Variants in SP100 observed in about 807,000 individuals in gnomAD.
SP100 encodes nuclear autoantigen Sp-100.
SP100 carries 84 observed loss-of-function variants against 130.0 expected under a neutral mutation model. The observed-to-expected ratio is 0.65, with a 90% confidence interval of 0.54 to 0.77. SP100 has a LOEUF of 0.77. SP100 is among the 30% of genes least tolerant of loss of function. The pLI, the probability that SP100 is intolerant of heterozygous loss-of-function variation, is 0.00. For missense variants in SP100, 978 were observed against 1,052.2 expected (o/e 0.93, Z 0.97); for synonymous variants, 331 against 351.7 (o/e 0.94, Z 0.66).
chr2:230,445,395 G>A (rs923143375), intron 4 of SP100, among the ~76,000 whole-genome samples: 2 of 152,144 alleles, frequency 1.3e-5, no homozygotes, highest in African/African-American at 4.8e-5. Flanking sequence ...AATTAGATTT[G>A]GCTAAATCTG....
intron 2 of SP100, among the ~76,000 whole-genome samples, chr2:230,430,390 T>A (rs749397706): frequency 6.6e-6 from 1 of 152,112 alleles, no homozygotes; most frequent in East Asian, 1.9e-4. Context: ...TTAGGCAGGG[T>A]TGAAGACTGT....
intron 24 of SP100, 158 bp from the exon 25 acceptor site, chr2:230,539,109 T>C: frequency 2.0e-6 from 1 of 498,040 alleles, no homozygotes; most frequent in Non-Finnish European, 3.7e-6. Context: ...TACTGAACTT[T>C]GCCGCAGACC....
intron 24 of SP100, among the ~76,000 whole-genome samples, chr2:230,537,359 C>T (rs1476366250): frequency 6.6e-6 from 1 of 152,120 alleles, no homozygotes; most frequent in African/African-American, 2.4e-5. Flanking sequence ...AATGCTCTTC[C>T]CTAGCAAGAT....
chr2:230,529,349 C>T (rs1559536693), intron 24 of SP100, among the ~76,000 whole-genome samples: 1 of 152,160 alleles, frequency 6.6e-6, no homozygotes, highest in Non-Finnish European at 1.5e-5. Context: ...TCAATAGATG[C>T]AGAAAAGGCC....
rs749481799 is a variant in SP100, at chr2:230,506,292, T to G, written c.1871-11T>G. On this transcript the variant is annotated splice_polypyrimidine_tract_variant and intron_variant, in intron 21 of 28. Coordinates refer to ENST00000340126, the MANE Select transcript of SP100 (RefSeq NM_001080391.2). Reference sequence around the variant, plus strand: ...CACAGTTGGGGAGCTCACTTTGCCTTGGTCTTACAGGAACCTCAAAGAAGT... The same window carrying G: ...CACAGTTGGGGAGCTCACTTTGCCTGGGTCTTACAGGAACCTCAAAGAAGT... 6.2e-7 allele frequency: 1 copy of G among 1,613,322 alleles called. No homozygotes were observed. Among genetic ancestry groups the G allele is most frequent in the Non-Finnish European group, 8.5e-7 (1 of 1,179,442 alleles).
intron 24 of SP100, among the ~76,000 whole-genome samples, chr2:230,517,255 G>A (rs1368922137): frequency 2.6e-5 from 4 of 152,100 alleles, no homozygotes; most frequent in Admixed American, 1.3e-4. Flanking sequence ...GGGGAAACCT[G>A]CCAAAGATGT....
At chr2:230,520,472 A>C (rs751110697) in intron 24 of SP100, 11 of 152,224 alleles carry the variant, frequency 7.2e-5, no homozygotes, top group Non-Finnish European at 1.5e-4. Flanking sequence ...ACCAGCTTCA[A>C]AAAACCAGAA....
intron 8 of SP100, among the ~76,000 whole-genome samples, chr2:230,450,971 CA>C (rs1280209856): frequency 2.0e-5 from 3 of 152,182 alleles, no homozygotes; most frequent in Non-Finnish European, 4.4e-5. Flanking sequence ...CTTCCATATA[CA>C]GATGGTCCCT....
At chr2:230,449,391 G>A (rs780520581) in intron 6 of SP100, 170 bp from the exon 7 acceptor site, 4 of 835,474 alleles carry the variant, frequency 4.8e-6, no homozygotes, top group South Asian at 1.4e-5. Flanking sequence ...GAGCCTGGTC[G>A]TTTTACCCAT....
rs534647028 is a variant in SP100, at chr2:230,419,398, GAGTAGCTGT to G, written c.107+1734_107+1742del. 1.1e-3 allele frequency among the ~76,000 whole-genome samples: 171 copies of G among 152,292 alleles called. 1 individual carries two copies. The highest frequency in any genetic ancestry group is 3.9e-3 in the African/African-American group (162 of 41,568). On this transcript the variant is annotated intron_variant, in intron 2 of 28. Transcript: ENST00000340126. ...AGACACTACCAGCCCATGAGTCGCT[GAGTAGCTGT>G]CCTGGTGATCAGATCGACTGTCCTG...
intron 24 of SP100, among the ~76,000 whole-genome samples, chr2:230,520,365 G>T (rs1000366942): frequency 3.3e-5 from 5 of 152,176 alleles, no homozygotes; most frequent in African/African-American, 1.2e-4. Flanking sequence ...CTAAGGAAAG[G>T]TTGTCCCATC....
chr2:230,477,246 T>C (rs2065602422), intron 17 of SP100, among the ~76,000 whole-genome samples: 1 of 152,156 alleles, frequency 6.6e-6, no homozygotes, highest in Non-Finnish European at 1.5e-5. Flanking sequence ...TATTAAATCT[T>C]GGTCATATAC....
intron 20 of SP100, among the ~76,000 whole-genome samples, chr2:230,503,732 G>A (rs1412484463): frequency 6.6e-6 from 1 of 152,194 alleles, no homozygotes; most frequent in Non-Finnish European, 1.5e-5. Flanking sequence ...TTGGCAAAGA[G>A]GGAGACAGAT....
chr2:230,485,264 C>G (rs2066019454), intron 17 of SP100, among the ~76,000 whole-genome samples: 1 of 151,990 alleles, frequency 6.6e-6, no homozygotes, highest in African/African-American at 2.4e-5. Flanking sequence ...AGACTTTTCC[C>G]CTCCCTTTGG....
chr2:230,498,493 A>G lies in SP100; in HGVS notation c.1678A>G (p.Thr560Ala). 1.3e-6 allele frequency: 2 copies of G among 1,516,466 alleles called. No homozygotes were observed. The highest frequency in any genetic ancestry group is 1.8e-6 in the Non-Finnish European group (2 of 1,141,066). 93.9% of individuals were successfully genotyped at this position (1,516,466 alleles called of 1,614,324 possible). ...RKKDRPRKHLTLNNKVQKKRW... is the reference protein window; with the variant it reads ...RKKDRPRKHLALNNKVQKKRW... ...GAAAGACAGACCTAGAAAACATTTA[A>G]CTCTGAATAACAAAGTCCAAAAGAA... Residue 560 changes from threonine (T) to alanine (A), a missense_variant, in exon 19 of 29, where the codon ACT becomes GCT. Thr to Ala is a moderately conservative substitution (Grantham distance 58). Transcript: ENST00000340126.
chr2:230,483,846 A>G (rs1455459181), intron 17 of SP100, among the ~76,000 whole-genome samples: 2 of 152,238 alleles, frequency 1.3e-5, no homozygotes, highest in African/African-American at 4.8e-5. Context: ...TCTAGTAGAA[A>G]TACAGAATAA....
chr2:230,504,323 T>G, intron 21 of SP100, 33 bp downstream of exon 21: 3 of 1,259,920 alleles, frequency 2.4e-6, no homozygotes, highest in Non-Finnish European at 2.3e-6. Context: ...GATTTTCAGC[T>G]GGAAAATATC....
At position 230,450,227 on chromosome 2, in the gene SP100, G is replaced by A. The variant is rs768618914; in HGVS notation, c.792G>A (p.Met264Ile). 32 of 1,613,506 alleles carry A rather than the reference G, an allele frequency of 2.0e-5. No homozygotes were observed. The highest frequency in any genetic ancestry group is 2.7e-5 in the African/African-American group (2 of 74,896). The stretch of plus-strand genomic sequence containing the variant: ...ATAATGGGGATGCTGGAAGGGAGAT[G>A]CCCTGCCCGTTGCCCTGTGATGAAG... ...QVNNGDAGRE[M>I]PCPLPCDEES... Residue 264 changes from methionine (M) to isoleucine (I), a missense_variant, in exon 8 of 29, where the codon ATG becomes ATA. Transcript: ENST00000340126.
At chr2:230,532,759 G>A (rs1170957740) in intron 24 of SP100, among the ~76,000 whole-genome samples, 6 of 152,074 alleles carry the variant, frequency 3.9e-5, no homozygotes, top group Non-Finnish European at 8.8e-5. Flanking sequence ...ATGTGTGCTA[G>A]TGCTCTTTTA....
Sources: allele counts gnomAD v4.1 joint callset (sites outside exome capture counted in the v4.1 genomes callset), GRCh38; gene constraint gnomAD v4.1.1; transcripts MANE v1.5; gene names NCBI Gene and HGNC (gene_info 2026-07-23, HGNC 2026-07-21).